Variants in DLG2 observed in about 807,000 individuals in gnomAD.
DLG2 encodes discs large MAGUK scaffold protein 2.
In DLG2, 45 loss-of-function variants were observed where a neutral mutation model predicts 132.5. The ratio of observed to expected loss-of-function variants is 0.34; its 90% CI spans 0.27 to 0.44. The LOEUF is 0.44. Among genes scored for constraint, DLG2 ranks in the 20% least tolerant of loss-of-function variants. The pLI is 1.00. For synonymous variants in DLG2, 424 were observed against 419.6 expected, an observed-to-expected ratio of 1.01 and a Z score of -0.13; for missense variants, 1,045 against 1,196.9, an observed-to-expected ratio of 0.87 and a Z score of 1.87.
At chr11:83,499,832 T>A (rs1374678318) in intron 21 of DLG2, among the ~76,000 whole-genome samples, 1 of 135,918 alleles carries the variant, frequency 7.4e-6, no homozygotes, top group Middle Eastern at 3.4e-3. Flanking sequence ...AGGATATATA[T>A]ATTTCCTCCA....
chr11:83,495,546 C>G (rs2094107424), intron 21 of DLG2, among the ~76,000 whole-genome samples: 1 of 152,050 alleles, frequency 6.6e-6, no homozygotes, highest in Admixed American at 6.6e-5. Context: ...TTACCCATAC[C>G]ATAGTACTTA....
intron 11 of DLG2, among the ~76,000 whole-genome samples, chr11:84,058,057 T>C (rs1013189012): frequency 2.6e-5 from 4 of 152,148 alleles, no homozygotes; most frequent in Admixed American, 6.6e-5. Flanking sequence ...AAGATGACTC[T>C]GCTAGCAAGT....
intron 6 of DLG2, among the ~76,000 whole-genome samples, chr11:84,739,993 A>G (rs954884912): frequency 3.3e-5 from 5 of 151,970 alleles, no homozygotes; most frequent in African/African-American, 1.2e-4. Flanking sequence ...GATATTAACC[A>G]GATTCTCAGC....
intron 18 of DLG2, among the ~76,000 whole-genome samples, chr11:83,755,736 T>G (rs2153745759): frequency 6.6e-6 from 1 of 151,432 alleles, no homozygotes; most frequent in African/African-American, 2.5e-5. Context: ...GAAATACAGC[T>G]TCTAGGAGAA....
intron 15 of DLG2, among the ~76,000 whole-genome samples, chr11:83,895,402 C>T (rs889426397): frequency 3.3e-5 from 5 of 152,136 alleles, no homozygotes; most frequent in Non-Finnish European, 5.9e-5. Flanking sequence ...TCAGGTGATC[C>T]GCCCGCCTCG....
chr11:85,236,785 C>T (rs989588780), intron 4 of DLG2, among the ~76,000 whole-genome samples: 1 of 151,844 alleles, frequency 6.6e-6, no homozygotes, highest in Non-Finnish European at 1.5e-5. Context: ...ATTGACTTGC[C>T]CAAGTTCACA....
At chr11:85,068,598 C>T (rs168369) in intron 6 of DLG2, among the ~76,000 whole-genome samples, 57,689 of 151,530 alleles carry the variant, frequency 0.38, 11,172 homozygotes, top group South Asian at 0.57. Context: ...TTACAAGGGA[C>T]GTGAAGGACC....
At chr11:84,525,966 T>A (rs2099319115) in intron 7 of DLG2, among the ~76,000 whole-genome samples, 1 of 152,234 alleles carries the variant, frequency 6.6e-6, no homozygotes, top group South Asian at 2.1e-4. Context: ...CGTGTATAAT[T>A]TTTTTTCTCT....
intron 7 of DLG2, among the ~76,000 whole-genome samples, chr11:84,440,664 C>T (rs922026766): frequency 6.6e-6 from 1 of 152,058 alleles, no homozygotes. Context: ...CTGGACAGAC[C>T]TTTTCCTTTA....
At chr11:83,614,652 T>C (rs1009436724) in intron 19 of DLG2, among the ~76,000 whole-genome samples, 16 of 151,912 alleles carry the variant, frequency 1.1e-4, no homozygotes, top group Admixed American at 4.6e-4. Context: ...CTGGGGAGGT[T>C]GAGGCTGCAG....
chr11:85,020,978 G>C (rs1234814022), intron 6 of DLG2: 3 of 778,480 alleles, frequency 3.9e-6, no homozygotes, highest in Non-Finnish European at 7.1e-6. Flanking sequence ...CGGAGCTGCT[G>C]CTCTGCTCCT....
At chr11:84,751,584 C>T (rs1379532920) in intron 6 of DLG2, among the ~76,000 whole-genome samples, 2 of 152,128 alleles carry the variant, frequency 1.3e-5, no homozygotes, top group Non-Finnish European at 2.9e-5. Flanking sequence ...CCTCAGATCA[C>T]ATGCTGCAGC....
At chr11:84,346,480 A>T (rs916158927) in intron 7 of DLG2, among the ~76,000 whole-genome samples, 1 of 152,232 alleles carries the variant, frequency 6.6e-6, no homozygotes, top group African/African-American at 2.4e-5. Flanking sequence ...TCACTCAGCT[A>T]GCATGTGATT....
intron 6 of DLG2, among the ~76,000 whole-genome samples, chr11:84,966,580 ATG>A (rs1487310257): frequency 2.6e-5 from 4 of 152,140 alleles, no homozygotes; most frequent in Non-Finnish European, 5.9e-5. Context: ...TAGTCTTGGC[ATG>A]TGACGAGGAA....
chr11:84,154,507 T>C (rs1234924778), intron 9 of DLG2, among the ~76,000 whole-genome samples: 1 of 152,186 alleles, frequency 6.6e-6, no homozygotes, highest in African/African-American at 2.4e-5. Context: ...TACAGATAGA[T>C]ACTTTTAATA....
intron 16 of DLG2, among the ~76,000 whole-genome samples, chr11:83,850,160 G>GTGTGTGTGT (rs1452960432): frequency 1.6e-4 from 20 of 124,366 alleles, no homozygotes; most frequent in African/African-American, 5.8e-4. Flanking sequence ...GTGTGTGTGT[G>GTGTGTGTGT]TTTTTTTACT....
intron 4 of DLG2, among the ~76,000 whole-genome samples, chr11:85,271,854 T>C (rs2077554557): frequency 6.6e-6 from 1 of 152,240 alleles, no homozygotes. Flanking sequence ...TACAGGCTCA[T>C]AGGCCAAAGG....
chr11:84,305,488 C>A (rs1473496674), intron 7 of DLG2, among the ~76,000 whole-genome samples: 2 of 152,050 alleles, frequency 1.3e-5, no homozygotes, highest in Non-Finnish European at 2.9e-5. Context: ...AGGAAAATTG[C>A]AGATGGTAGG....
chr11:84,936,910 T>C (rs1271781954), intron 6 of DLG2, among the ~76,000 whole-genome samples: 1 of 152,124 alleles, frequency 6.6e-6, no homozygotes, highest in African/African-American at 2.4e-5. Context: ...CCCAGCACTT[T>C]AGGAGGCCGA....
Sources: gnomAD v4.1 joint callset for allele counts (sites outside exome capture counted in the v4.1 genomes callset) on GRCh38, gnomAD v4.1.1 for gene constraint, MANE v1.5 for transcripts, NCBI Gene and HGNC (gene_info 2026-07-23, HGNC 2026-07-21) for gene names.